Variants in KIAA1217 observed in about 807,000 individuals in gnomAD.
KIAA1217 encodes KIAA1217.
In KIAA1217, 88 loss-of-function variants were observed where a neutral mutation model predicts 163.9. That is an observed-to-expected ratio of 0.54 (90% confidence interval 0.45 to 0.64). The LOEUF (loss-of-function observed/expected upper bound fraction) is 0.64, where lower values mean the gene tolerates loss of function less well. Among genes scored for constraint, KIAA1217 ranks in the 30% least tolerant of loss-of-function variants. The pLI is 0.00. For missense variants in KIAA1217, 2,372 were observed against 2,475.0 expected (o/e 0.96, Z 0.88); for synonymous variants, 903 against 923.1 (o/e 0.98, Z 0.39).
intron 1 of KIAA1217, among the ~76,000 whole-genome samples, chr10:23,905,679 G>A (rs1438387483): frequency 4.6e-5 from 7 of 152,072 alleles, no homozygotes; most frequent in East Asian, 1.9e-4. Context: ...GCTAGAAAGA[G>A]CCCATTCTTT....
chr10:24,060,564 G>GT (rs1490541567), intron 2 of KIAA1217, among the ~76,000 whole-genome samples: 1 of 152,204 alleles, frequency 6.6e-6, no homozygotes, highest in African/African-American at 2.4e-5. Context: ...GGAGGCCAAG[G>GT]TGGAAGGATT....
chr10:24,190,948 C>T (rs1589838482), intron 2 of KIAA1217, among the ~76,000 whole-genome samples: 1 of 152,092 alleles, frequency 6.6e-6, no homozygotes, highest in East Asian at 1.9e-4. Context: ...AATCCCAGCA[C>T]TTTGGGAGGC....
intron 1 of KIAA1217, among the ~76,000 whole-genome samples, chr10:23,983,480 G>A (rs986726372): frequency 1.3e-5 from 2 of 152,094 alleles, no homozygotes; most frequent in African/African-American, 4.8e-5. Flanking sequence ...TTACATGGCT[G>A]GAGCAGAAGG....
At chr10:24,332,130 CATGCA>C (rs1355344381) in intron 2 of KIAA1217, among the ~76,000 whole-genome samples, 1 of 152,154 alleles carries the variant, frequency 6.6e-6, no homozygotes, top group Non-Finnish European at 1.5e-5. Flanking sequence ...TTTTCTTTTC[CATGCA>C]AAGCAAAACT....
chr10:24,467,941 C>A (rs2132842243), intron 5 of KIAA1217, among the ~76,000 whole-genome samples: 1 of 152,174 alleles, frequency 6.6e-6, no homozygotes, highest in East Asian at 1.9e-4. Context: ...AATGCCATGT[C>A]TTTACTCATT....
chr10:23,963,769 C>T (rs1361783347), intron 1 of KIAA1217, among the ~76,000 whole-genome samples: 1 of 152,202 alleles, frequency 6.6e-6, no homozygotes, highest in Non-Finnish European at 1.5e-5. Context: ...GCATCCTCTC[C>T]AGCATCTGTT....
intron 2 of KIAA1217, among the ~76,000 whole-genome samples, chr10:24,175,761 G>A (rs1381292030): frequency 6.6e-6 from 1 of 152,128 alleles, no homozygotes; most frequent in African/African-American, 2.4e-5. Flanking sequence ...TGAGGCTGCA[G>A]ACCTTCGTGG....
At chr10:24,211,975 T>C (rs2068189403) in intron 1 of KIAA1217, among the ~76,000 whole-genome samples, 1 of 151,608 alleles carries the variant, frequency 6.6e-6, no homozygotes, top group Non-Finnish European at 1.5e-5. Context: ...GCCAGGAGGT[T>C]GAGACTGCAG....
chr10:24,040,835 G>A (rs1314388412), intron 2 of KIAA1217, among the ~76,000 whole-genome samples: 1 of 152,196 alleles, frequency 6.6e-6, no homozygotes, highest in African/African-American at 2.4e-5. Context: ...ACGGGCTAAG[G>A]AAAGTATTTA....
chr10:23,952,530 A>G (rs913418974), intron 1 of KIAA1217, among the ~76,000 whole-genome samples: 23 of 152,330 alleles, frequency 1.5e-4, no homozygotes, highest in Middle Eastern at 3.4e-3. Context: ...GGGTTTTTCT[A>G]TCATAGCATT....
chr10:24,429,928 A>G (rs2059457602), intron 3 of KIAA1217, among the ~76,000 whole-genome samples: 1 of 152,138 alleles, frequency 6.6e-6, no homozygotes, highest in Admixed American at 6.5e-5. Flanking sequence ...AGATCACTTG[A>G]GCTCAGGAGT....
intron 2 of KIAA1217, among the ~76,000 whole-genome samples, chr10:24,290,631 T>C (rs934893542): frequency 6.8e-6 from 1 of 147,328 alleles, no homozygotes; most frequent in African/African-American, 2.5e-5. Context: ...TCAGACGGAG[T>C]CTTGCTCTGT....
intron 2 of KIAA1217, among the ~76,000 whole-genome samples, chr10:24,197,734 T>C (rs2067057473): frequency 6.6e-6 from 1 of 152,272 alleles, no homozygotes; most frequent in African/African-American, 2.4e-5. Flanking sequence ...ACAGAAACTT[T>C]ATTGTAATCT....
At chr10:24,171,429 G>A (rs762484378) in intron 2 of KIAA1217, among the ~76,000 whole-genome samples, 6 of 152,204 alleles carry the variant, frequency 3.9e-5, no homozygotes, top group Non-Finnish European at 5.9e-5. Context: ...TTGGAAGCAC[G>A]TAAAATTTTA....
chr10:24,401,403 G>A lies in KIAA1217; in HGVS notation c.553+20336G>A, dbSNP rs1030470408. ...AAGCAATAATACATCACAACCAAGC[G>A]AGGTTTATTCCAGGTATGCACGGCT... On this transcript the variant is annotated intron_variant, in intron 3 of 20. Coordinates refer to ENST00000376454, the MANE Select transcript of KIAA1217 (RefSeq NM_019590.5). Among the ~76,000 whole-genome samples the A allele has an allele frequency of 2.0e-5, 3 of 152,176 alleles. No individual in the cohort carries two copies. The South Asian group carries it at 6.2e-4, about 32-fold the overall frequency.
chr10:24,458,149 C>T (rs2061996495), intron 5 of KIAA1217, among the ~76,000 whole-genome samples: 1 of 152,186 alleles, frequency 6.6e-6, no homozygotes, highest in Admixed American at 6.5e-5. Context: ...GGCCTCAGGG[C>T]ATGTACAGCT....
intron 1 of KIAA1217, among the ~76,000 whole-genome samples, chr10:23,967,899 ATGTGTGTGTGTGTGTG>A (rs58562978): frequency 1.4e-5 from 2 of 143,936 alleles, no homozygotes; most frequent in African/African-American, 5.1e-5. Context: ...AATATATTAA[ATGTGTGTGTGTGTGTG>A]TGTGTGTGTG....
At chr10:24,521,160 C>G (rs1191061100) in intron 11 of KIAA1217, among the ~76,000 whole-genome samples, 2 of 151,132 alleles carry the variant, frequency 1.3e-5, no homozygotes, top group African/African-American at 2.4e-5. Flanking sequence ...AGAGTAAAAC[C>G]CTGTCTGTAC....
At chr10:24,204,206 C>T (rs924290009), upstream of KIAA1217, among the ~76,000 whole-genome samples, 4 of 152,084 alleles carry the variant, frequency 2.6e-5, no homozygotes, top group African/African-American at 7.2e-5. Flanking sequence ...GGCTCCTGGG[C>T]ACCTCACTTA....
Sources: allele counts gnomAD v4.1 joint callset (sites outside exome capture counted in the v4.1 genomes callset), GRCh38; gene constraint gnomAD v4.1.1; transcripts MANE v1.5; gene names NCBI Gene and HGNC (gene_info 2026-07-23, HGNC 2026-07-21).